Variants in CSE1L observed in about 807,000 individuals in gnomAD.
CSE1L encodes exportin-2.
Under a neutral mutation model 120.4 loss-of-function variants are expected in CSE1L, and 24 were observed. The observed-to-expected ratio is 0.20, with a 90% CI of 0.14 to 0.28. The LOEUF is 0.28. Among genes scored for constraint, CSE1L ranks in the 10% least tolerant of loss-of-function variants. The pLI is 1.00. For missense variants in CSE1L, 830 were observed against 1,145.2 expected (o/e 0.72, Z 3.97); for synonymous variants, 402 against 398.3 (o/e 1.01, Z -0.11).
chr20:49,050,653 C>T (rs544067604), intron 1 of CSE1L, among the ~76,000 whole-genome samples: 5 of 151,800 alleles, frequency 3.3e-5, no homozygotes, highest in South Asian at 2.1e-4. Flanking sequence ...TCAGATGATC[C>T]GCCTGCTTCG....
intron 14 of CSE1L, among the ~76,000 whole-genome samples, chr20:49,080,826 A>G (rs1385927621): frequency 6.6e-6 from 1 of 152,112 alleles, no homozygotes; most frequent in Non-Finnish European, 1.5e-5. Context: ...GCCAGTCTAG[A>G]GTGAACTACT....
chr20:49,054,418 G>A (rs1019126682), intron 1 of CSE1L, among the ~76,000 whole-genome samples: 2 of 152,150 alleles, frequency 1.3e-5, no homozygotes, highest in Admixed American at 6.5e-5. Context: ...TTTCTATTGT[G>A]TTGTGAGTGC....
chr20:49,095,680 AGTT>A (rs1300595509), intron 24 of CSE1L, among the ~76,000 whole-genome samples: 11 of 152,092 alleles, frequency 7.2e-5, no homozygotes, highest in Admixed American at 2.6e-4. Flanking sequence ...ATGACTGTAT[AGTT>A]GCATTTTGTC....
At chr20:49,050,454 G>A (rs2091758063) in intron 1 of CSE1L, among the ~76,000 whole-genome samples, 2 of 140,758 alleles carry the variant, frequency 1.4e-5, no homozygotes, top group South Asian at 4.5e-4. Context: ...TAGAGCTAGA[G>A]TGCAATGGTG....
intron 2 of CSE1L, among the ~76,000 whole-genome samples, chr20:49,059,617 C>T (rs866766885): frequency 6.6e-6 from 1 of 152,122 alleles, no homozygotes; most frequent in Non-Finnish European, 1.5e-5. Flanking sequence ...CGGTGGCTCA[C>T]GCTTGTAATC....
chr20:49,050,200 TTTTTA>T lies in CSE1L; in HGVS notation c.-12+3807_-12+3811del, dbSNP rs563854131. 1.1e-3 allele frequency among the ~76,000 whole-genome samples: 159 copies of T among 146,542 alleles called. 2 individuals are homozygous for T. The highest frequency in any genetic ancestry group is 6.8e-3 in the South Asian group (31 of 4,564). On this transcript the variant is annotated intron_variant, in intron 1 of 24. Transcript: ENST00000262982. The stretch of plus-strand genomic sequence containing the variant: ...TCTATTATGTGGTTTTATTTATTTA[TTTTTA>T]TTTTATTTTATTTTATTTTATTTTA...
chr20:49,092,799 T>C (rs2092112056), intron 22 of CSE1L, among the ~76,000 whole-genome samples: 1 of 151,984 alleles, frequency 6.6e-6, no homozygotes, highest in African/African-American at 2.4e-5. Context: ...ACATGTACCC[T>C]AGAACTTAAA....
Position 49,072,387 on chromosome 20 carries a change from G to A in CSE1L, c.870G>A (p.Leu290=), listed in dbSNP as rs1411840037. ...ACGATGAAGAATTCCAGCGATACCT[G>A]CCTCGTTTTGTTACAGCCATCTGGA... ...QKYDEEFQRY[L]PRFVTAIWNL... The change falls in exon 9 of 25, where the codon CTG becomes CTA. Residue 290 remains leucine, a synonymous_variant. Coordinates refer to ENST00000262982, the MANE Select transcript of CSE1L (RefSeq NM_001316.4). 10 of 1,614,070 alleles carry A rather than the reference G, an allele frequency of 6.2e-6. No homozygotes were observed. Among genetic ancestry groups the A allele is most frequent in the Non-Finnish European group, 8.5e-6 (10 of 1,180,050 alleles).
At chr20:49,080,191 G>A (rs2092000067) in intron 14 of CSE1L, among the ~76,000 whole-genome samples, 1 of 151,806 alleles carries the variant, frequency 6.6e-6, no homozygotes, top group African/African-American at 2.4e-5. Context: ...ACACAAGAAA[G>A]CATCATAGGT....
At chr20:49,055,107 A>G (rs1380648739) in intron 1 of CSE1L, among the ~76,000 whole-genome samples, 4 of 152,210 alleles carry the variant, frequency 2.6e-5, no homozygotes, top group South Asian at 2.1e-4. Flanking sequence ...GGATTATACA[A>G]CATCCCCAGT....
Position 49,096,504 on chromosome 20 carries a change from C to A in CSE1L, c.*66C>A. The A allele has an allele frequency of 8.4e-7, 1 of 1,192,706 alleles. No homozygotes were observed. The highest frequency in any genetic ancestry group is 1.2e-6 in the Non-Finnish European group (1 of 800,734). The allele number at this position is 1,192,706 out of a possible 1,614,324, so 73.9% of individuals were successfully genotyped here. A position where few individuals can be genotyped will look rare whatever the true frequency, so the allele number is the denominator to read the frequency against. On this transcript the variant is annotated 3_prime_UTR_variant, in exon 25 of 25. Coordinates refer to ENST00000262982, the MANE Select transcript of CSE1L (RefSeq NM_001316.4). Reference sequence around the variant, plus strand: ...GGAAATCACAGGCTTCTGAGCACAGCTGCATTAAAACAAAGGAAGTTCTCC... The same window carrying A: ...GGAAATCACAGGCTTCTGAGCACAGATGCATTAAAACAAAGGAAGTTCTCC...
intron 2 of CSE1L, 87 bp from the exon 3 acceptor site, chr20:49,063,115 T>C: frequency 1.5e-6 from 1 of 686,572 alleles, no homozygotes; most frequent in East Asian, 4.1e-5. Flanking sequence ...TTCTCTTTTT[T>C]TGATTTTTTT....
At chr20:49,089,966 A>AC (rs1216624054) in intron 19 of CSE1L, among the ~76,000 whole-genome samples, 5 of 152,012 alleles carry the variant, frequency 3.3e-5, no homozygotes, top group Admixed American at 3.3e-4. Context: ...AGGAAAAAAA[A>AC]GCTTTTTAAT....
At position 49,094,809 on chromosome 20, in the gene CSE1L, T is replaced by C. The variant is rs1568790652; in HGVS notation, c.2672T>C (p.Ile891Thr). ...ACCATTCCTGATGAGGAACATTTTA[T>C]TGACATAGAAGATACACCAGGATAT... ...DDTIPDEEHF[I>T]DIEDTPGYQT... The change falls in exon 24 of 25, where the codon ATT becomes ACT. Residue 891 changes from isoleucine to threonine, a missense_variant. This residue lies in a region of CSE1L where 112 missense variants were observed against 200.0 expected (regional missense o/e 0.56). Coordinates refer to ENST00000262982, the MANE Select transcript of CSE1L (RefSeq NM_001316.4). 6.2e-7 allele frequency: 1 copy of C among 1,614,158 alleles called. No homozygotes were observed.
chr20:49,095,073 A>G (rs2092129565), intron 24 of CSE1L, 110 bp downstream of exon 24: 2 of 838,286 alleles, frequency 2.4e-6, no homozygotes, highest in Non-Finnish European at 2.0e-6. Flanking sequence ...ATAAAACTAA[A>G]TCTCATTGAG....
rs1358597462 is a variant in CSE1L, at chr20:49,058,393, T to C, written c.-11-60T>C. On this transcript the variant is annotated intron_variant, in intron 1 of 24. Transcript: ENST00000262982. ...AACCCATAATATAAACGGATTTCTTTAAATGTAAATCACTTTTTCCGTAAG... is the reference window on the plus strand; with the variant it reads ...AACCCATAATATAAACGGATTTCTTCAAATGTAAATCACTTTTTCCGTAAG... 9 of 1,238,242 alleles carry C rather than the reference T, an allele frequency of 7.3e-6. No individual in the cohort carries two copies. The South Asian group carries it at 9.0e-5, about 12-fold the overall frequency. The allele number at this position is 1,238,242 out of a possible 1,614,324, so 76.7% of individuals were successfully genotyped here. A position where few individuals can be genotyped will look rare whatever the true frequency, so the allele number is the denominator to read the frequency against.
intron 9 of CSE1L, 24 bp from the exon 10 acceptor site, chr20:49,072,544 T>G: frequency 6.2e-7 from 1 of 1,603,418 alleles, no homozygotes; most frequent in African/African-American, 1.3e-5. Context: ...TTAAAAATAT[T>G]CTTGTTTTTG....
chr20:49,078,736 A>G (rs1383948561), intron 14 of CSE1L, 114 bp downstream of exon 14: 4 of 648,938 alleles, frequency 6.2e-6, no homozygotes, highest in South Asian at 2.5e-5. Context: ...AAAATTAACA[A>G]TGATTTCTTT....
chr20:49,069,006 A>G (rs1022674007), intron 7 of CSE1L, among the ~76,000 whole-genome samples, 184 bp downstream of exon 7: 2 of 152,062 alleles, frequency 1.3e-5, no homozygotes, highest in Non-Finnish European at 2.9e-5. Flanking sequence ...GAGATGTTTC[A>G]TGGAAAAAAG....
Sources: gnomAD v4.1 joint callset for allele counts (sites outside exome capture counted in the v4.1 genomes callset) on GRCh38, gnomAD v4.1.1 for gene constraint, gnomAD v4.1.1 regional missense constraint, MANE v1.5 for transcripts, NCBI Gene and HGNC (gene_info 2026-07-23, HGNC 2026-07-21) for gene names.